The following ADAM32 variants were observed in gnomAD, a reference collection of about 807,000 sequenced individuals.
ADAM32 encodes ADAM metallopeptidase domain 32.
Under a neutral mutation model 114.9 loss-of-function variants are expected in ADAM32, and 89 were observed. That is an observed-to-expected ratio of 0.77 (90% CI 0.65 to 0.92). The LOEUF is 0.92. Among genes scored for constraint, ADAM32 ranks in the 40% least tolerant of loss-of-function variants. The probability of loss-of-function intolerance (pLI) is 0.00; values close to 1 mark genes in which losing one functional copy is unlikely to be tolerated. For synonymous variants in ADAM32, 285 were observed against 307.5 expected, an observed-to-expected ratio of 0.93 and a Z score of 0.77; for missense variants, 870 against 932.8, an observed-to-expected ratio of 0.93 and a Z score of 0.88.
chr8:39,172,861 A>G (rs1805284040), intron 10 of ADAM32, among the ~76,000 whole-genome samples: 1 of 152,218 alleles, frequency 6.6e-6, no homozygotes, highest in African/African-American at 2.4e-5. Context: ...TATACCCAGT[A>G]ATGGGATTGC....
intron 11 of ADAM32, among the ~76,000 whole-genome samples, chr8:39,205,695 A>G (rs1267846687): frequency 6.6e-6 from 1 of 152,094 alleles, no homozygotes; most frequent in Non-Finnish European, 1.5e-5. Flanking sequence ...TGCAGAAATC[A>G]CCCATCTTCT....
chr8:39,276,926 A>C (rs906043654), intron 22 of ADAM32, among the ~76,000 whole-genome samples: 1 of 152,184 alleles, frequency 6.6e-6, no homozygotes, highest in Non-Finnish European at 1.5e-5. Context: ...CATGTAGCAG[A>C]GTGCTCGGCT....
intron 19 of ADAM32, among the ~76,000 whole-genome samples, chr8:39,258,808 A>AAATT (rs1490694415): frequency 2.0e-5 from 3 of 152,054 alleles, no homozygotes; most frequent in African/African-American, 7.2e-5. Context: ...TTTCCCTCTG[A>AAATT]TTGTTGAAAT....
chr8:39,227,257 A>T (rs1381165313), intron 14 of ADAM32, among the ~76,000 whole-genome samples: 2 of 152,172 alleles, frequency 1.3e-5, no homozygotes, highest in Non-Finnish European at 2.9e-5. Flanking sequence ...CACTGGAGAA[A>T]CTGAAGGTCT....
chr8:39,231,294 A>G (rs1003092641), intron 14 of ADAM32, among the ~76,000 whole-genome samples: 1 of 152,146 alleles, frequency 6.6e-6, no homozygotes, highest in Non-Finnish European at 1.5e-5. Flanking sequence ...AGGAACTTCT[A>G]AGAGCCAAGA....
At position 39,275,823 on chromosome 8, in the gene ADAM32, T is replaced by G. The variant is rs1813037803; in HGVS notation, c.2241-5T>G. Reference sequence around the variant, plus strand: ...TGGAAGCATTACTTTTTCGCTTTCTTTTAGAACCAGATCAGAAAGCAGCAG... The same window carrying G: ...TGGAAGCATTACTTTTTCGCTTTCTGTTAGAACCAGATCAGAAAGCAGCAG... On this transcript the variant is annotated splice_region_variant and splice_polypyrimidine_tract_variant and intron_variant, in intron 21 of 24. Transcript: ENST00000379907. The G allele has an allele frequency of 3.2e-6, 5 of 1,556,196 alleles. No homozygotes were observed. Among genetic ancestry groups the G allele is most frequent in the Non-Finnish European group, 4.4e-6 (5 of 1,149,400 alleles).
intron 10 of ADAM32, among the ~76,000 whole-genome samples, chr8:39,173,874 G>C (rs954870467): frequency 2.6e-5 from 4 of 152,108 alleles, no homozygotes; most frequent in African/African-American, 9.7e-5. Flanking sequence ...GCCCAGGCTG[G>C]AGTGCAGTGG....
chr8:39,272,432 A>G (rs895083438), intron 20 of ADAM32, among the ~76,000 whole-genome samples: 1 of 152,188 alleles, frequency 6.6e-6, no homozygotes, highest in African/African-American at 2.4e-5. Context: ...GTGTACTTAA[A>G]AAAACCTAGA....
intron 14 of ADAM32, among the ~76,000 whole-genome samples, chr8:39,231,151 G>C (rs924387768): frequency 2.6e-5 from 4 of 152,160 alleles, no homozygotes; most frequent in Non-Finnish European, 4.4e-5. Context: ...TTAATCAAAA[G>C]GGAGGTCGCT....
At chr8:39,195,018 T>C (rs1806870409) in intron 11 of ADAM32, among the ~76,000 whole-genome samples, 1 of 152,188 alleles carries the variant, frequency 6.6e-6, no homozygotes, top group Non-Finnish European at 1.5e-5. Flanking sequence ...AGGTTGCTTC[T>C]TGCCTGTTAA....
intron 10 of ADAM32, among the ~76,000 whole-genome samples, chr8:39,184,704 C>T (rs1046499941): frequency 3.3e-5 from 5 of 152,190 alleles, no homozygotes; most frequent in Non-Finnish European, 5.9e-5. Flanking sequence ...AGTTGTGAAT[C>T]CCTGAGGTTG....
chr8:39,246,823 T>C (rs1465656827), intron 17 of ADAM32, among the ~76,000 whole-genome samples: 1 of 152,202 alleles, frequency 6.6e-6, no homozygotes, highest in Admixed American at 6.5e-5. Flanking sequence ...AGTATTTTCA[T>C]TACTCTAAAA....
chr8:39,197,489 A>G (rs1807088493), intron 11 of ADAM32, among the ~76,000 whole-genome samples: 1 of 151,792 alleles, frequency 6.6e-6, no homozygotes, highest in Non-Finnish European at 1.5e-5. Context: ...TCTTTTGTGT[A>G]TGTCACTAGT....
At chr8:39,237,327 T>A (rs991676634) in intron 16 of ADAM32, among the ~76,000 whole-genome samples, 18 of 152,140 alleles carry the variant, frequency 1.2e-4, no homozygotes, top group African/African-American at 3.9e-4. Flanking sequence ...CTCAACCTTG[T>A]AAAAATTTTG....
At chr8:39,237,014 A>C (rs1382356737) in intron 16 of ADAM32, among the ~76,000 whole-genome samples, 1 of 152,174 alleles carries the variant, frequency 6.6e-6, no homozygotes, top group Non-Finnish European at 1.5e-5. Context: ...TTCGTGAAAC[A>C]CCCATAAAAC....
intron 2 of ADAM32, among the ~76,000 whole-genome samples, chr8:39,131,510 T>C (rs1802454298): frequency 6.6e-6 from 1 of 152,136 alleles, no homozygotes; most frequent in African/African-American, 2.4e-5. Flanking sequence ...AAAGATTTTT[T>C]TGTGCTTGTT....
At chr8:39,209,642 C>T (rs1365394764) in intron 11 of ADAM32, among the ~76,000 whole-genome samples, 4 of 152,158 alleles carry the variant, frequency 2.6e-5, no homozygotes, top group African/African-American at 4.8e-5. Context: ...TCCAAGAGTA[C>T]TGACTGATGA....
At chr8:39,179,891 G>C (rs1805744952) in intron 10 of ADAM32, among the ~76,000 whole-genome samples, 1 of 152,176 alleles carries the variant, frequency 6.6e-6, no homozygotes, top group African/African-American at 2.4e-5. Context: ...CAGCCATCTT[G>C]GTCCTACCCG....
At chr8:39,155,995 A>G (rs72640068) in intron 6 of ADAM32, among the ~76,000 whole-genome samples, 2 of 152,294 alleles carry the variant, frequency 1.3e-5, no homozygotes, top group African/African-American at 2.4e-5. Context: ...ATTATCACAA[A>G]TTATCTAATA....
Sources: allele counts gnomAD v4.1 joint callset (sites outside exome capture counted in the v4.1 genomes callset), GRCh38; gene constraint gnomAD v4.1.1; transcripts MANE v1.5; gene names NCBI Gene and HGNC (gene_info 2026-07-23, HGNC 2026-07-21).